The following ASAP1 variants were observed in gnomAD, a reference collection of about 807,000 sequenced individuals.
The protein encoded by ASAP1 is arf-GAP with SH3 domain, ANK repeat and PH domain-containing protein 1.
In ASAP1, 43 loss-of-function variants were observed where a neutral mutation model predicts 145.2. That is an observed-to-expected ratio of 0.30 (90% CI 0.23 to 0.38). The LOEUF is 0.38. Ranked by LOEUF, ASAP1 falls within the 10% of genes least tolerant of loss-of-function variation. The pLI, the probability that ASAP1 is intolerant of heterozygous loss-of-function variation, is 1.00. For synonymous variants in ASAP1, 546 were observed against 515.5 expected (o/e 1.06, Z -0.80); for missense variants, 1,018 against 1,355.3 (o/e 0.75, Z 3.91).
chr8:130,149,606 A>G (rs111828206), intron 13 of ASAP1, among the ~76,000 whole-genome samples: 2,336 of 152,296 alleles, frequency 0.015, 62 homozygotes, highest in African/African-American at 0.052. Flanking sequence ...CAAAGGTGAC[A>G]CTGATGAGGG....
At chr8:130,270,444 T>G (rs1820519124) in intron 3 of ASAP1, among the ~76,000 whole-genome samples, 3 of 152,246 alleles carry the variant, frequency 2.0e-5, no homozygotes, top group Admixed American at 2.0e-4. Context: ...GCTCTGTATG[T>G]AAAAGTATAA....
intron 5 of ASAP1, among the ~76,000 whole-genome samples, chr8:130,191,937 T>G (rs1565072589): frequency 6.6e-6 from 1 of 152,210 alleles, no homozygotes; most frequent in Non-Finnish European, 1.5e-5. Context: ...CTTGAAATTC[T>G]CAGTCATTCT....
chr8:130,302,590 C>G (rs1422053473), intron 3 of ASAP1, among the ~76,000 whole-genome samples: 1 of 152,152 alleles, frequency 6.6e-6, no homozygotes, highest in Non-Finnish European at 1.5e-5. Flanking sequence ...CTGCCATCTG[C>G]TGGGAGCACT....
rs141491954 is a variant in ASAP1, at chr8:130,305,423, C to A, written c.186+52594G>T. Among the ~76,000 whole-genome samples, 4 of 152,220 alleles carry A rather than the reference C, an allele frequency of 2.6e-5. No homozygotes were observed. In the East Asian group the frequency reaches 7.7e-4, roughly 29 times the overall value. ...GTCCAGTGGTGCGATCTCGGCTCACCGCAAGCTTCAGCTCACCACAACCTC... is the reference window on the plus strand; with the variant it reads ...GTCCAGTGGTGCGATCTCGGCTCACAGCAAGCTTCAGCTCACCACAACCTC... On this transcript the variant is annotated intron_variant, in intron 3 of 29. Coordinates refer to ENST00000518721, the MANE Select transcript of ASAP1 (RefSeq NM_018482.4).
intron 5 of ASAP1, among the ~76,000 whole-genome samples, chr8:130,198,461 C>G (rs374735552): frequency 6.6e-6 from 1 of 152,180 alleles, no homozygotes; most frequent in East Asian, 1.9e-4. Flanking sequence ...ACCACATTCT[C>G]TCCATCTCAC....
At chr8:130,245,011 C>T (rs184024485) in intron 3 of ASAP1, among the ~76,000 whole-genome samples, 65 of 152,242 alleles carry the variant, frequency 4.3e-4, no homozygotes, top group African/African-American at 1.6e-3. Flanking sequence ...TGTGTAACAA[C>T]ACCCACAGTT....
chr8:130,055,279 T>A (rs2097401250), intron 29 of ASAP1, among the ~76,000 whole-genome samples: 1 of 148,422 alleles, frequency 6.7e-6, no homozygotes, highest in Non-Finnish European at 1.5e-5. Context: ...TCCAGGCTTG[T>A]GTGATACATT....
chr8:130,136,887 A>G (rs918839477), intron 14 of ASAP1, 64 bp downstream of exon 14: 1 of 1,367,124 alleles, frequency 7.3e-7, no homozygotes, highest in Admixed American at 1.7e-5. Context: ...GCTGACCTGG[A>G]GAATGGAAAT....
intron 23 of ASAP1, 94 bp from the exon 24 acceptor site, chr8:130,112,416 G>A: frequency 2.0e-6 from 2 of 1,023,502 alleles, no homozygotes; most frequent in South Asian, 3.3e-5. Context: ...TGGGAATCTG[G>A]GTTCCTGTGG....
intron 9 of ASAP1, among the ~76,000 whole-genome samples, chr8:130,178,746 G>T (rs1224409771): frequency 6.6e-6 from 1 of 152,144 alleles, no homozygotes; most frequent in Non-Finnish European, 1.5e-5. Flanking sequence ...AAAATTAACT[G>T]GGTGTGGTGG....
intron 4 of ASAP1, among the ~76,000 whole-genome samples, chr8:130,221,117 C>T (rs1817269377): frequency 6.6e-6 from 1 of 152,070 alleles, no homozygotes; most frequent in Non-Finnish European, 1.5e-5. Context: ...GCCTGTGGTC[C>T]CAGCTACTTG....
At chr8:130,424,900 G>A (rs1829857004) in intron 1 of ASAP1, among the ~76,000 whole-genome samples, 1 of 152,026 alleles carries the variant, frequency 6.6e-6, no homozygotes, top group Non-Finnish European at 1.5e-5. Context: ...GGCTGAGGCA[G>A]GAGAATCGCT....
intron 13 of ASAP1, among the ~76,000 whole-genome samples, chr8:130,152,005 A>G (rs1199652674): frequency 6.6e-6 from 1 of 152,260 alleles, no homozygotes; most frequent in East Asian, 1.9e-4. Context: ...AATAAAGTTT[A>G]TGAAGGTAAG....
intron 13 of ASAP1, 28 bp downstream of exon 13, chr8:130,152,705 TGAG>T: frequency 1.3e-6 from 2 of 1,562,916 alleles, no homozygotes; most frequent in South Asian, 2.3e-5. Context: ...TTCTGGCCCA[TGAG>T]GCAGGGTAAA....
At chr8:130,296,499 G>C (rs1248896469) in intron 3 of ASAP1, among the ~76,000 whole-genome samples, 1 of 149,830 alleles carries the variant, frequency 6.7e-6, no homozygotes. Context: ...ATCTCCACCT[G>C]CTACTTCCCT....
chr8:130,388,002 G>A (rs573623856), intron 2 of ASAP1, among the ~76,000 whole-genome samples: 29 of 152,288 alleles, frequency 1.9e-4, no homozygotes, highest in African/African-American at 6.7e-4. Context: ...GAAAACATAC[G>A]GGGAGCAACC....
chr8:130,136,480 C>A (rs1372855401), intron 14 of ASAP1, among the ~76,000 whole-genome samples: 1 of 151,684 alleles, frequency 6.6e-6, no homozygotes, highest in South Asian at 2.1e-4. Context: ...ATTCGTTGTA[C>A]AGATATAGTG....
chr8:130,118,012 T>C (rs1276432650), intron 20 of ASAP1, 149 bp downstream of exon 20: 2 of 547,782 alleles, frequency 3.7e-6, no homozygotes, highest in Non-Finnish European at 6.3e-6. Flanking sequence ...ACAGAGAGAC[T>C]TCATGCCTGC....
intron 7 of ASAP1, among the ~76,000 whole-genome samples, chr8:130,186,602 A>G (rs1156669543): frequency 6.6e-6 from 1 of 152,126 alleles, no homozygotes; most frequent in Non-Finnish European, 1.5e-5. Flanking sequence ...CCCTAACAAG[A>G]ACTCCACGAG....
Sources: gnomAD v4.1 joint callset for allele counts (sites outside exome capture counted in the v4.1 genomes callset) on GRCh38, gnomAD v4.1.1 for gene constraint, MANE v1.5 for transcripts, NCBI Gene and HGNC (gene_info 2026-07-23, HGNC 2026-07-21) for gene names.